The following ZCCHC2 variants were observed in gnomAD, a reference collection of about 807,000 sequenced individuals.
ZCCHC2 encodes zinc finger CCHC-type containing 2.
Under a neutral mutation model 103.6 loss-of-function variants are expected in ZCCHC2, and 39 were observed. The observed-to-expected ratio is 0.38, with a 90% CI of 0.29 to 0.49. ZCCHC2 has a LOEUF of 0.49. Among genes scored for constraint, ZCCHC2 ranks in the 20% least tolerant of loss-of-function variants. The pLI is 0.96. For missense variants in ZCCHC2, 1,483 were observed against 1,491.0 expected (o/e 0.99, Z 0.09); for synonymous variants, 687 against 608.9 (o/e 1.13, Z -1.89).
At chr18:62,551,338 T>G (rs1915654121) in intron 5 of ZCCHC2, 1 of 152,234 alleles carries the variant, frequency 6.6e-6, no homozygotes, top group Non-Finnish European at 1.5e-5. Context: ...TGGTCTGTCC[T>G]GTTGTGTGAA....
intron 1 of ZCCHC2, among the ~76,000 whole-genome samples, chr18:62,531,890 G>A (rs1457992984): frequency 1.3e-5 from 2 of 152,166 alleles, no homozygotes; most frequent in African/African-American, 4.8e-5. Flanking sequence ...AGGCTGAGGT[G>A]GGAGGATCAC....
rs1243286919 is a variant in ZCCHC2, at chr18:62,526,759, G to C, written c.939+2396G>C. On this transcript the variant is annotated intron_variant, in intron 1 of 13. Transcript: ENST00000269499. Reference sequence around the variant, plus strand: ...CACGCAACGCCCGGAGCTAGCGCACGGCGATATAGGGTCCGTGGCGCGGGG... The same window carrying C: ...CACGCAACGCCCGGAGCTAGCGCACCGCGATATAGGGTCCGTGGCGCGGGG... 4 of 152,056 alleles carry C rather than the reference G, an allele frequency of 2.6e-5. No homozygotes were observed. The South Asian group carries it at 6.2e-4, about 24-fold the overall frequency. 9.4% of individuals were successfully genotyped at this position (152,056 alleles called of 1,614,324 possible). A position where few individuals can be genotyped will look rare whatever the true frequency, so the allele number is the denominator to read the frequency against.
chr18:62,544,760 C>G (rs1915341690), intron 3 of ZCCHC2, 42 bp from the exon 4 acceptor site: 1 of 1,494,298 alleles, frequency 6.7e-7, no homozygotes, highest in Non-Finnish European at 8.9e-7. Context: ...CGGTTCCTGC[C>G]TAGGGAATAA....
chr18:62,584,706 T>G (rs1333425616), exon 15 of ZCCHC2: 1 of 152,272 alleles, frequency 6.6e-6, no homozygotes, highest in African/African-American at 2.4e-5. Flanking sequence ...CGTTGAAATG[T>G]GTGTGTGAAC....
chr18:62,562,942 T>C, intron 8 of ZCCHC2, 67 bp from the exon 9 acceptor site: 1 of 1,530,734 alleles, frequency 6.5e-7, no homozygotes, highest in Non-Finnish European at 8.9e-7. Context: ...TGTAACTTCT[T>C]TGTTGAAATG....
intron 3 of ZCCHC2, among the ~76,000 whole-genome samples, chr18:62,543,039 T>C (rs1817998479): frequency 6.6e-6 from 1 of 152,212 alleles, no homozygotes; most frequent in Admixed American, 6.5e-5. Context: ...TCTGATTCTG[T>C]GCTCCCAGGT....
chr18:62,579,603 G>C (rs1916987377), downstream of ZCCHC2, among the ~76,000 whole-genome samples: 1 of 152,150 alleles, frequency 6.6e-6, no homozygotes, highest in Non-Finnish European at 1.5e-5. Flanking sequence ...TGCACCTATA[G>C]GTAACGTGTA....
intron 11 of ZCCHC2, among the ~76,000 whole-genome samples, chr18:62,567,018 C>T (rs931889945): frequency 1.3e-5 from 2 of 152,184 alleles, no homozygotes; most frequent in Non-Finnish European, 2.9e-5. Context: ...ATAACAACCT[C>T]AGCGTATTTT....
At chr18:62,570,774 A>T (rs1916569201) in intron 12 of ZCCHC2, among the ~76,000 whole-genome samples, 1 of 152,190 alleles carries the variant, frequency 6.6e-6, no homozygotes, top group Admixed American at 6.5e-5. Context: ...TAGTTAGATT[A>T]TGGTTTTTTA....
intron 1 of ZCCHC2, among the ~76,000 whole-genome samples, chr18:62,531,532 C>G (rs1914671849): frequency 1.3e-5 from 2 of 152,062 alleles, no homozygotes; most frequent in African/African-American, 4.8e-5. Context: ...CTATCTGTTT[C>G]CTATAATTGT....
chr18:62,570,197 A>G lies in ZCCHC2; in HGVS notation c.1941A>G (p.Arg647=), dbSNP rs768047610. The change falls in exon 12 of 14, where the codon AGA becomes AGG. Residue 647 remains arginine (R), a synonymous_variant. Coordinates refer to ENST00000269499, the MANE Select transcript of ZCCHC2 (RefSeq NM_017742.6). The stretch of plus-strand genomic sequence containing the variant: ...CATCTAGTCCCCGACATGATGGAAG[A>G]GAAAGTTTTGAAAGTGAAGAAGAGA... The part of the protein sequence containing the change: ...SSPSSPRHDG[R]ESFESEEEKD... 5 of 1,611,726 alleles carry G rather than the reference A, an allele frequency of 3.1e-6. No individual in the cohort carries two copies. The African/African-American group carries it at 5.3e-5, about 17-fold the overall frequency.
intron 12 of ZCCHC2, among the ~76,000 whole-genome samples, chr18:62,573,671 A>C (rs1916677789): frequency 6.6e-6 from 1 of 152,172 alleles, no homozygotes. Context: ...ATCTGCGACA[A>C]ATTGAAGAAC....
rs375431086 is a variant in ZCCHC2, at chr18:62,539,867, T to A, written c.1051+75T>A. 11 of 1,205,028 alleles carry A rather than the reference T, an allele frequency of 9.1e-6. No individual in the cohort carries two copies. In the African/African-American group the frequency reaches 1.1e-4, roughly 12 times the overall value. The allele number at this position is 1,205,028 out of a possible 1,614,324, so 74.6% of individuals were successfully genotyped here. On this transcript the variant is annotated intron_variant, in intron 2 of 13. Transcript: ENST00000269499. ...CAGGGTGCTCTTTACGCTGATTAAC[T>A]CTAAACTTTTTACTCTCCTTTTTGA...
intron 11 of ZCCHC2, among the ~76,000 whole-genome samples, chr18:62,567,657 A>G (rs761740304): frequency 2.4e-4 from 37 of 152,256 alleles, no homozygotes; most frequent in Admixed American, 9.8e-4. Context: ...AAGAATGCTC[A>G]CCATGGCCAG....
chr18:62,570,030 T>C, intron 11 of ZCCHC2, 73 bp from the exon 12 acceptor site: 1 of 1,416,838 alleles, frequency 7.1e-7, no homozygotes, highest in Non-Finnish European at 9.5e-7. Context: ...AAAATTAATT[T>C]CTAATGATTC....
chr18:62,540,901 A>G (rs1324665879), intron 2 of ZCCHC2, among the ~76,000 whole-genome samples: 1 of 152,118 alleles, frequency 6.6e-6, no homozygotes, highest in African/African-American at 2.4e-5. Flanking sequence ...CCAACACCAG[A>G]CAGAACTTGA....
chr18:62,529,237 T>C (rs1237125416), intron 1 of ZCCHC2, among the ~76,000 whole-genome samples: 1 of 152,088 alleles, frequency 6.6e-6, no homozygotes, highest in Non-Finnish European at 1.5e-5. Context: ...AATAAATACC[T>C]TTATTTAACT....
chr18:62,548,627 G>A (rs571137869), intron 4 of ZCCHC2, among the ~76,000 whole-genome samples: 227 of 152,308 alleles, frequency 1.5e-3, no homozygotes, highest in African/African-American at 5.3e-3. Flanking sequence ...GGATTTCTTT[G>A]TTTGGAAAAT....
At chr18:62,540,619 A>G (rs1408259889) in intron 2 of ZCCHC2, among the ~76,000 whole-genome samples, 1 of 152,102 alleles carries the variant, frequency 6.6e-6, no homozygotes, top group Non-Finnish European at 1.5e-5. Context: ...CTTCAGCTAA[A>G]CTCATTGAAC....
Sources: gnomAD v4.1 joint callset for allele counts (sites outside exome capture counted in the v4.1 genomes callset) on GRCh38, gnomAD v4.1.1 for gene constraint, MANE v1.5 for transcripts, NCBI Gene and HGNC (gene_info 2026-07-23, HGNC 2026-07-21) for gene names.